CCND3: variants seen among roughly 807,000 people sequenced by gnomAD.
CCND3 encodes the protein G1/S-specific cyclin-D3.
Under a neutral mutation model 28.7 loss-of-function variants are expected in CCND3, and 9 were observed. The observed-to-expected ratio is 0.31, with a 90% confidence interval of 0.19 to 0.55. The LOEUF is 0.55. Ranked by LOEUF, CCND3 falls within the 20% of genes least tolerant of loss-of-function variation. The pLI, the probability that CCND3 is intolerant of heterozygous loss-of-function variation, is 0.93. For synonymous variants in CCND3, 164 were observed against 163.9 expected, an observed-to-expected ratio of 1.00 and a Z score of 0.00; for missense variants, 315 against 385.8, an observed-to-expected ratio of 0.82 and a Z score of 1.54.
intron 1 of CCND3, among the ~76,000 whole-genome samples, chr6:42,026,289 C>A (rs1018700897): frequency 3.3e-5 from 5 of 152,108 alleles, no homozygotes; most frequent in African/African-American, 1.2e-4. Context: ...CGCCGCCCCC[C>A]TGCCAAGGGG....
At chr6:41,937,446 G>C (rs752073158) in intron 2 of CCND3, 52 bp from the exon 3 acceptor site, 1 of 1,602,518 alleles carries the variant, frequency 6.2e-7, no homozygotes, top group Non-Finnish European at 8.5e-7. Context: ...TGAAGAGGAG[G>C]GAGCAAAGCA....
chr6:42,024,805 T>C (rs1763823864), intron 1 of CCND3, among the ~76,000 whole-genome samples: 1 of 152,122 alleles, frequency 6.6e-6, no homozygotes, highest in Admixed American at 6.5e-5. Context: ...ATGCCTGTAA[T>C]CCCAGCACTT....
intron 1 of CCND3, among the ~76,000 whole-genome samples, chr6:42,006,092 C>A (rs1272667916): frequency 2.6e-5 from 4 of 151,494 alleles, no homozygotes; most frequent in Non-Finnish European, 5.9e-5. Context: ...CCTTGTGCAC[C>A]AGAGCTCAAG....
At chr6:42,033,506 G>A (rs563118160) in intron 1 of CCND3, among the ~76,000 whole-genome samples, 56 of 109,588 alleles carry the variant, frequency 5.1e-4, no homozygotes, top group Admixed American at 3.2e-3. Context: ...ACACACACAC[G>A]CACACATAGA....
intron 1 of CCND3, chr6:42,031,474 C>T (rs1004649132): frequency 1.3e-4 from 20 of 152,196 alleles, no homozygotes; most frequent in Non-Finnish European, 1.5e-5. Context: ...TGTACTCCTT[C>T]CTGCCAACTT....
upstream of CCND3, among the ~76,000 whole-genome samples, chr6:41,946,624 A>AAAAAAAAAAAAAAAAAAAAAG (rs1776177605): frequency 1.4e-5 from 2 of 146,056 alleles, no homozygotes; most frequent in African/African-American, 5.2e-5. Context: ...AAAAAAAAAA[A>AAAAAAAAAAAAAAAAAAAAAG]GCAGTAAACC....
intron 1 of CCND3, chr6:41,940,981 T>C (rs1775989030): frequency 1.2e-6 from 2 of 1,612,946 alleles, no homozygotes. Context: ...CTCCTGCCGC[T>C]GCCTCCTGCA....
Position 42,037,820 on chromosome 6 carries a change from CAGG to C in CCND3, c.-46+10678_-46+10680del, listed in dbSNP as rs769253882. Among the ~76,000 whole-genome samples, 36 of 151,852 alleles carry C rather than the reference CAGG, an allele frequency of 2.4e-4. No homozygotes were observed. In the Middle Eastern group the frequency reaches 0.014, roughly 57 times the overall value. On this transcript the variant is annotated intron_variant, in intron 1 of 4. Coordinates refer to the CCND3 transcript ENST00000372988. Reference sequence around the variant, plus strand: ...GGCCGAGGCGGACGGATCATGAGGTCAGGAGTTCAAGACTAGTCTGACCAAAAT... The same window carrying C: ...GGCCGAGGCGGACGGATCATGAGGTCAGTTCAAGACTAGTCTGACCAAAAT...
intron 1 of CCND3, among the ~76,000 whole-genome samples, chr6:41,947,089 C>T (rs896925725): frequency 6.6e-6 from 1 of 151,926 alleles, no homozygotes. Context: ...GGCATGGTGG[C>T]GCATGCCTGT....
intron 1 of CCND3, among the ~76,000 whole-genome samples, chr6:42,019,488 C>CAA (rs57466823): frequency 0.19 from 16,382 of 84,218 alleles, 1,890 homozygotes; most frequent in Non-Finnish European, 0.23. Flanking sequence ...GACTCTGTCT[C>CAA]AAAAAAAAAA....
chr6:41,954,725 A>G (rs1294172531), intron 1 of CCND3, among the ~76,000 whole-genome samples: 1 of 152,010 alleles, frequency 6.6e-6, no homozygotes, highest in Non-Finnish European at 1.5e-5. Context: ...CATAATATCA[A>G]ACTTCTGAAT....
chr6:42,008,813 C>T (rs1020471325), intron 1 of CCND3, among the ~76,000 whole-genome samples: 1 of 152,142 alleles, frequency 6.6e-6, no homozygotes, highest in African/African-American at 2.4e-5. Context: ...GTGGATCCCT[C>T]CCAAGTCACC....
chr6:41,936,416 G>A lies in CCND3; in HGVS notation c.711+143C>T, dbSNP rs1390207231. ...CTTGCTCTTCCCCAGACCAAGGCAG[G>A]AGATAAAAAGCCACAAAGCCCCAAG... On this transcript the variant is annotated intron_variant, in intron 4 of 4. Transcript: ENST00000372991. This position sits in a 1 kb window ranked among gnomAD's most constrained non-coding sequence, Gnocchi z 4.4. The A allele has an allele frequency of 7.2e-6, 7 of 973,722 alleles. No homozygotes were observed. Among genetic ancestry groups the A allele is most frequent in the Non-Finnish European group, 1.1e-5 (7 of 648,260 alleles). 60.3% of individuals were successfully genotyped at this position (973,722 alleles called of 1,614,324 possible). A position where few individuals can be genotyped will look rare whatever the true frequency, so the allele number is the denominator to read the frequency against.
At chr6:41,970,727 G>A (rs115022028) in intron 1 of CCND3, among the ~76,000 whole-genome samples, 4,669 of 152,228 alleles carry the variant, frequency 0.031, 96 homozygotes, top group Non-Finnish European at 0.046. Flanking sequence ...GCGCTTCCAC[G>A]TGGGGAAAGT....
intron 1 of CCND3, among the ~76,000 whole-genome samples, chr6:41,947,737 C>T (rs2127398585): frequency 6.6e-6 from 1 of 152,282 alleles, no homozygotes; most frequent in East Asian, 1.9e-4. Context: ...AAATACATCT[C>T]CAATCCCCTT....
intron 1 of CCND3, among the ~76,000 whole-genome samples, chr6:41,965,121 G>A (rs1022257230): frequency 2.3e-4 from 31 of 135,176 alleles, no homozygotes; most frequent in African/African-American, 8.1e-4. Flanking sequence ...CCAGGCTGGC[G>A]TGCAGTGGCA....
intron 1 of CCND3, among the ~76,000 whole-genome samples, chr6:42,044,956 C>CTTTTTTTTTTTTTTTTTTT (rs1562002036): frequency 8.1e-6 from 1 of 123,952 alleles, no homozygotes; most frequent in Non-Finnish European, 1.6e-5. Flanking sequence ...GCCCGGCTAA[C>CTTTTTTTTTTTTTTTTTTT]GTTTTTTTTT....
chr6:41,969,242 A>C (rs533259108), intron 1 of CCND3, among the ~76,000 whole-genome samples: 37 of 151,846 alleles, frequency 2.4e-4, no homozygotes, highest in African/African-American at 8.5e-4. Context: ...GGCCAGGCAC[A>C]GTGGCTTATG....
chr6:41,976,398 T>C lies in CCND3; in HGVS notation c.-45-35813A>G, dbSNP rs907009172. Among the ~76,000 whole-genome samples, 8 of 152,126 alleles carry C rather than the reference T, an allele frequency of 5.3e-5. No homozygotes were observed. The East Asian group carries it at 1.2e-3, about 22-fold the overall frequency. On this transcript the variant is annotated intron_variant, in intron 1 of 4. Transcript: ENST00000372988. ...TGGGTGTGATAACACACACCTGTTA[T>C]TCCAGATACTCTGGGGCTTGAGATA...
Sources: gnomAD v4.1 joint callset for allele counts (sites outside exome capture counted in the v4.1 genomes callset) on GRCh38, gnomAD v4.1.1 for gene constraint, Gnocchi (gnomAD v3.1) non-coding constraint, MANE v1.5 for transcripts, NCBI Gene and HGNC (gene_info 2026-07-23, HGNC 2026-07-21) for gene names.